The following TNIK variants were observed in gnomAD, a reference collection of about 807,000 sequenced individuals.
TNIK encodes the protein TRAF2 and NCK-interacting protein kinase.
TNIK carries 49 observed loss-of-function variants against 191.3 expected under a neutral mutation model. The ratio of observed to expected loss-of-function variants is 0.26; its 90% CI spans 0.20 to 0.32. TNIK has a LOEUF of 0.32. Among genes scored for constraint, TNIK ranks in the 10% least tolerant of loss-of-function variants. The pLI is 1.00. For synonymous variants in TNIK, 594 were observed against 600.9 expected, an observed-to-expected ratio of 0.99 and a Z score of 0.17; for missense variants, 1,155 against 1,702.3, an observed-to-expected ratio of 0.68 and a Z score of 5.66.
intron 7 of TNIK, among the ~76,000 whole-genome samples, chr3:171,179,236 A>G (rs1736342328): frequency 6.6e-6 from 1 of 152,188 alleles, no homozygotes; most frequent in Non-Finnish European, 1.5e-5. Flanking sequence ...TCTCTTTGTT[A>G]TGTTTCAAGA....
intron 2 of TNIK, among the ~76,000 whole-genome samples, chr3:171,336,285 AG>A (rs1173613537): frequency 6.6e-6 from 1 of 152,236 alleles, no homozygotes; most frequent in Non-Finnish European, 1.5e-5. Context: ...CACTAACTTA[AG>A]GCCTTTTGTT....
At chr3:171,197,473 C>T (rs1738849965) in intron 4 of TNIK, among the ~76,000 whole-genome samples, 1 of 151,522 alleles carries the variant, frequency 6.6e-6, no homozygotes, top group African/African-American at 2.4e-5. Context: ...AGACAGCCCA[C>T]AGAATGGGAA....
intron 2 of TNIK, among the ~76,000 whole-genome samples, chr3:171,326,688 TAAAA>T (rs201939236): frequency 6.6e-6 from 1 of 150,738 alleles, no homozygotes; most frequent in African/African-American, 2.4e-5. Flanking sequence ...ACAATTCACT[TAAAA>T]AAAAAATTCC....
In TNIK at chr3:171,085,155, A is replaced by G. The variant is rs760162194; in HGVS notation, c.2961T>C (p.Thr987=). 5.6e-6 allele frequency: 9 copies of G among 1,611,640 alleles called. No homozygotes were observed. In the African/African-American group the frequency reaches 1.2e-4, roughly 22 times the overall value. Residue 987 remains threonine (T), a synonymous_variant, in exon 25 of 33, where the codon ACT becomes ACC. Transcript: ENST00000436636. ...ATTCCTCATCCTCTTCATCTTCATCAGTGGGAGACGTCTGGTATACTCTGG... is the reference window on the plus strand; with the variant it reads ...ATTCCTCATCCTCTTCATCTTCATCGGTGGGAGACGTCTGGTATACTCTGG... The part of the protein sequence containing the change: ...VDPRVYQTSP[T]DEDEEDEESS...
intron 15 of TNIK, among the ~76,000 whole-genome samples, chr3:171,132,033 A>AT (rs1261713291): frequency 1.3e-5 from 2 of 152,236 alleles, no homozygotes; most frequent in Non-Finnish European, 2.9e-5. Context: ...ACTGGGAACA[A>AT]CAAGATATGT....
chr3:171,142,878 C>T (rs1259406543), intron 12 of TNIK, among the ~76,000 whole-genome samples: 1 of 152,198 alleles, frequency 6.6e-6, no homozygotes, highest in Non-Finnish European at 1.5e-5. Flanking sequence ...CCATCCGTCT[C>T]TTTCTTAAGG....
chr3:171,183,616 C>CTAAA, intron 7 of TNIK, among the ~76,000 whole-genome samples: 1 of 152,186 alleles, frequency 6.6e-6, no homozygotes, highest in Non-Finnish European at 1.5e-5. Context: ...GAAACTGTTG[C>CTAAA]CTTTTAGGGG....
At chr3:171,427,473 T>A (rs567991788) in intron 1 of TNIK, among the ~76,000 whole-genome samples, 1 of 152,318 alleles carries the variant, frequency 6.6e-6, no homozygotes, top group African/African-American at 2.4e-5. Flanking sequence ...ATGTGCCCAA[T>A]GCTCAGTTTC....
chr3:171,376,596 G>A (rs1383432754), intron 1 of TNIK, among the ~76,000 whole-genome samples: 6 of 152,126 alleles, frequency 3.9e-5, no homozygotes, highest in Non-Finnish European at 7.3e-5. Context: ...AGCAGCATAT[G>A]AGAAAAGGTG....
At chr3:171,359,169 C>G (rs1189405375) in intron 2 of TNIK, among the ~76,000 whole-genome samples, 1 of 152,194 alleles carries the variant, frequency 6.6e-6, no homozygotes, top group East Asian at 1.9e-4. Flanking sequence ...AAAAGATTTC[C>G]AGTAAGATAA....
rs761756085 is a variant in TNIK at position 171,175,238 on chromosome 3, A to G, written c.773+14T>C. 1.4e-5 allele frequency: 22 copies of G among 1,610,664 alleles called. No individual in the cohort carries two copies. Among genetic ancestry groups the G allele is most frequent in the Non-Finnish European group, 1.9e-5 (22 of 1,178,466 alleles). ...TCACCCTTAGATCTGCGAAACATCGAAGACCAAACTCACCACTTCTTAGAC... is the reference window on the plus strand; with the variant it reads ...TCACCCTTAGATCTGCGAAACATCGGAGACCAAACTCACCACTTCTTAGAC... On this transcript the variant is annotated intron_variant, in intron 9 of 32. Coordinates refer to ENST00000436636, the MANE Select transcript of TNIK (RefSeq NM_015028.4).
At chr3:171,306,943 G>A (rs1205831475) in intron 2 of TNIK, among the ~76,000 whole-genome samples, 3 of 152,050 alleles carry the variant, frequency 2.0e-5, no homozygotes, top group Non-Finnish European at 4.4e-5. Flanking sequence ...AGTCAGACTT[G>A]GCAGACACAA....
At chr3:171,170,074 G>C (rs1735090927) in intron 9 of TNIK, among the ~76,000 whole-genome samples, 1 of 152,174 alleles carries the variant, frequency 6.6e-6, no homozygotes, top group Non-Finnish European at 1.5e-5. Context: ...TGTTTGCTGA[G>C]TGTTCTAATG....
chr3:171,364,037 T>C (rs867635312), intron 2 of TNIK, among the ~76,000 whole-genome samples: 3 of 152,188 alleles, frequency 2.0e-5, no homozygotes. Flanking sequence ...AAGTGACCTA[T>C]AACAGGATAA....
chr3:171,316,413 G>A (rs1473022565), intron 2 of TNIK, among the ~76,000 whole-genome samples: 1 of 152,092 alleles, frequency 6.6e-6, no homozygotes, highest in African/African-American at 2.4e-5. Flanking sequence ...CATGAAAGAG[G>A]AGGCATTTGA....
chr3:171,227,967 A>G (rs1233325240), intron 3 of TNIK, among the ~76,000 whole-genome samples, 198 bp downstream of exon 3: 1 of 152,204 alleles, frequency 6.6e-6, no homozygotes, highest in Non-Finnish European at 1.5e-5. Context: ...ACTTTGCCCA[A>G]CTGTAGGCTA....
intron 2 of TNIK, among the ~76,000 whole-genome samples, chr3:171,283,794 G>A (rs1750731347): frequency 1.3e-5 from 2 of 152,206 alleles, no homozygotes; most frequent in African/African-American, 4.8e-5. Flanking sequence ...ACATAAGGAA[G>A]TCAGGCAGTG....
chr3:171,156,495 C>T (rs375682470), intron 12 of TNIK, among the ~76,000 whole-genome samples: 23 of 152,330 alleles, frequency 1.5e-4, no homozygotes, highest in African/African-American at 5.5e-4. Context: ...ATCCCATTAC[C>T]GTGCAGTTAG....
At chr3:171,433,649 C>T (rs1308349874) in intron 1 of TNIK, among the ~76,000 whole-genome samples, 1 of 151,894 alleles carries the variant, frequency 6.6e-6, no homozygotes, top group Non-Finnish European at 1.5e-5. Flanking sequence ...GATTAAAAAG[C>T]TATTCTTATC....
Sources: allele counts gnomAD v4.1 joint callset (sites outside exome capture counted in the v4.1 genomes callset), GRCh38; gene constraint gnomAD v4.1.1; transcripts MANE v1.5; gene names NCBI Gene and HGNC (gene_info 2026-07-23, HGNC 2026-07-21).